The following JAKMIP1 variants were observed in gnomAD, a reference collection of about 807,000 sequenced individuals.
JAKMIP1 encodes the protein janus kinase and microtubule-interacting protein 1.
In JAKMIP1, 33 loss-of-function variants were observed where a neutral mutation model predicts 113.0. The ratio of observed to expected loss-of-function variants is 0.29; its 90% CI spans 0.22 to 0.39. JAKMIP1 has a LOEUF of 0.39. JAKMIP1 is among the 10% of genes least tolerant of loss of function. JAKMIP1 has a pLI of 1.00. For missense variants in JAKMIP1, 813 were observed against 1,080.5 expected (o/e 0.75, Z 3.47); for synonymous variants, 480 against 459.9 (o/e 1.04, Z -0.56).
At chr4:6,035,301 T>C (rs903599921) in intron 19 of JAKMIP1, among the ~76,000 whole-genome samples, 3 of 152,164 alleles carry the variant, frequency 2.0e-5, no homozygotes, top group Non-Finnish European at 2.9e-5. Context: ...TGCCTACCCA[T>C]AGGGTCCATG....
chr4:6,102,459 C>T (rs1713205444), intron 3 of JAKMIP1, among the ~76,000 whole-genome samples: 1 of 151,860 alleles, frequency 6.6e-6, no homozygotes, highest in Non-Finnish European at 1.5e-5. Flanking sequence ...TTTGTCATTC[C>T]ACTCCTTCTG....
In JAKMIP1 at chr4:6,137,284, C is replaced by A. The variant is rs1560254116; in HGVS notation, c.-147-24287G>T. Among the ~76,000 whole-genome samples the A allele has an allele frequency of 6.6e-6, 1 of 152,188 alleles. No individual in the cohort carries two copies. Among genetic ancestry groups the A allele is most frequent in the Non-Finnish European group, 1.5e-5 (1 of 68,038 alleles). On this transcript the variant is annotated intron_variant, in intron 1 of 20. Coordinates refer to ENST00000409021, the MANE Select transcript of JAKMIP1 (RefSeq NM_001099433.2). The surrounding 1 kb of genome is among the most constrained non-coding windows in gnomAD (Gnocchi z 4.5). ...GCCAGCAGCCGGGCTCACCAGGGCC[C>A]ACTGAGCCACAGCAGCCACAGTGGC...
intron 12 of JAKMIP1, chr4:6,054,628 A>G: frequency 4.9e-6 from 2 of 406,372 alleles, no homozygotes; most frequent in South Asian, 1.8e-5. Context: ...GAGCTTGCAG[A>G]AGAAGCCGTA....
chr4:6,036,731 T>G (rs79528434), intron 18 of JAKMIP1, among the ~76,000 whole-genome samples: 3,348 of 152,316 alleles, frequency 0.022, 117 homozygotes, highest in African/African-American at 0.073. Context: ...AGCAAGACAC[T>G]TAAATGTAGC....
At chr4:6,054,477 C>T (rs929994393) in intron 12 of JAKMIP1, among the ~76,000 whole-genome samples, 6 of 152,192 alleles carry the variant, frequency 3.9e-5, no homozygotes, top group African/African-American at 1.4e-4. Flanking sequence ...AAGTCCCTTC[C>T]TTGAGGCCAA....
Position 6,157,174 on chromosome 4 carries a change from G to T in JAKMIP1, c.-148+43079C>A, listed in dbSNP as rs929201968. On this transcript the variant is annotated intron_variant, in intron 1 of 20. Coordinates refer to ENST00000409021, the MANE Select transcript of JAKMIP1 (RefSeq NM_001099433.2). This position sits in a 1 kb window ranked among gnomAD's most constrained non-coding sequence, Gnocchi z 4.7. ...TGTGGCAAGAAGGCCCTTGCCAGAT[G>T]CAGGTCCCTCCACCATGGACTTCCC... is the stretch of plus-strand genomic sequence containing the variant. Among the ~76,000 whole-genome samples the T allele has an allele frequency of 1.3e-5, 2 of 152,204 alleles. No individual in the cohort carries two copies. Among genetic ancestry groups the T allele is most frequent in the South Asian group, 2.1e-4 (1 of 4,828 alleles).
Position 6,105,454 on chromosome 4 carries a change from G to A in JAKMIP1, c.624+19C>T. 1.3e-6 allele frequency: 2 copies of A among 1,569,326 alleles called. No individual in the cohort carries two copies. The highest frequency in any genetic ancestry group is 2.3e-5 in the South Asian group (2 of 85,504). ...GGGAAGGCCGCGTGCCCGCGGGCGG[G>A]GGAGGGGGCGGCACGTACCAGCCTG... On this transcript the variant is annotated intron_variant, in intron 3 of 20. Coordinates refer to ENST00000409021, the MANE Select transcript of JAKMIP1 (RefSeq NM_001099433.2).
chr4:6,048,997 G>GTTT, intron 15 of JAKMIP1, 75 bp from the exon 16 acceptor site: 9 of 881,542 alleles, frequency 1.0e-5, no homozygotes, highest in Non-Finnish European at 1.6e-5. Context: ...CACCAAGCAA[G>GTTT]TTTTTTTTTT....
At chr4:6,048,742 G>A (rs891097251) in intron 16 of JAKMIP1, 115 bp downstream of exon 16, 16 of 812,488 alleles carry the variant, frequency 2.0e-5, no homozygotes, top group African/African-American at 1.0e-4. Flanking sequence ...ACGTGCAGAC[G>A]CAGACGGACT....
At position 6,194,775 on chromosome 4, in the gene JAKMIP1, G is replaced by C. The variant is rs765942270; in HGVS notation, c.-148+5478C>G. 1.3e-5 allele frequency among the ~76,000 whole-genome samples: 2 copies of C among 152,190 alleles called. No individual in the cohort carries two copies. Among genetic ancestry groups the C allele is most frequent in the Admixed American group, 6.5e-5 (1 of 15,286 alleles). The stretch of plus-strand genomic sequence containing the variant: ...ATTCCTTAAAGTGGCCCTTCAGCCA[G>C]TCTAAGCCACGGTGGGAGACAGGAG... On this transcript the variant is annotated intron_variant, in intron 1 of 20. Transcript: ENST00000409021. The surrounding 1 kb of genome is among the most constrained non-coding windows in gnomAD (Gnocchi z 7.4).
chr4:6,128,457 G>A (rs555039342), intron 1 of JAKMIP1, among the ~76,000 whole-genome samples: 1 of 152,296 alleles, frequency 6.6e-6, no homozygotes, highest in South Asian at 2.1e-4. Context: ...GGAGCGGGGA[G>A]GGAGGGAAGG....
In JAKMIP1 at chr4:6,106,048, G is replaced by A; in HGVS notation, c.130-81C>T. 2.1e-6 allele frequency: 2 copies of A among 941,132 alleles called. No homozygotes were observed. Among genetic ancestry groups the A allele is most frequent in the Non-Finnish European group, 3.1e-6 (2 of 636,976 alleles). 58.3% of individuals were successfully genotyped at this position (941,132 alleles called of 1,614,324 possible). A position where few individuals can be genotyped will look rare whatever the true frequency, so the allele number is the denominator to read the frequency against. ...GGTCAGGGTCACAGCTGGGGGAGCT[G>A]GCCACAGCCTCCCCACGCCCAAGAC... On this transcript the variant is annotated intron_variant, in intron 2 of 20. Transcript: ENST00000409021. This position sits in a 1 kb window ranked among gnomAD's most constrained non-coding sequence, Gnocchi z 5.9.
Position 6,081,576 on chromosome 4 carries a change from G to A in JAKMIP1, c.1101+33C>T. ...AAGAATCCCAGACAGAGAAGGGAGT[G>A]TCAGGGCTGTCCCCAAGGGGTCCAC... On this transcript the variant is annotated intron_variant, in intron 6 of 20. Transcript: ENST00000409021. The surrounding 1 kb of genome is among the most constrained non-coding windows in gnomAD (Gnocchi z 4.6). 1.2e-6 allele frequency: 2 copies of A among 1,613,012 alleles called. No homozygotes were observed. Among genetic ancestry groups the A allele is most frequent in the Non-Finnish European group, 1.7e-6 (2 of 1,179,316 alleles).
chr4:6,157,943 G>C lies in JAKMIP1; in HGVS notation c.-148+42310C>G, dbSNP rs754336992. Among the ~76,000 whole-genome samples the C allele has an allele frequency of 1.6e-4, 25 of 152,228 alleles. No individual in the cohort carries two copies. Among genetic ancestry groups the C allele is most frequent in the Non-Finnish European group, 3.4e-4 (23 of 68,036 alleles). On this transcript the variant is annotated intron_variant, in intron 1 of 20. Transcript: ENST00000409021. The surrounding 1 kb of genome is among the most constrained non-coding windows in gnomAD (Gnocchi z 4.7). ...AGCAGCACTAACTCCTGATGCAACA[G>C]CTTTCTTTCTATGGATCACTTCATT...
Position 6,060,518 on chromosome 4 carries a change from A to T in JAKMIP1, c.1561-11T>A. On this transcript the variant is annotated splice_polypyrimidine_tract_variant and intron_variant, in intron 10 of 20. Transcript: ENST00000409021. ...TAGCTGCTCCCGAGTCTGGAAGGGA[A>T]AAGACCAGGCAGTGAGCAGGTCACC... The T allele has an allele frequency of 2.5e-6, 4 of 1,611,432 alleles. No individual in the cohort carries two copies. The highest frequency in any genetic ancestry group is 2.5e-6 in the Non-Finnish European group (3 of 1,177,634).
At chr4:6,100,538 T>C (rs1208129833) in intron 3 of JAKMIP1, among the ~76,000 whole-genome samples, 3 of 152,248 alleles carry the variant, frequency 2.0e-5, no homozygotes, top group Non-Finnish European at 1.5e-5. Context: ...GCTATAAGCA[T>C]TCATGTACAA....
rs1336070999 is a variant in JAKMIP1 at position 6,129,535 on chromosome 4, G to A, written c.-147-16538C>T. Among the ~76,000 whole-genome samples, 4 of 152,228 alleles carry A rather than the reference G, an allele frequency of 2.6e-5. No individual in the cohort carries two copies. The East Asian group carries it at 5.8e-4, about 22-fold the overall frequency. On this transcript the variant is annotated intron_variant, in intron 1 of 20. Transcript: ENST00000409021. This position sits in a 1 kb window ranked among gnomAD's most constrained non-coding sequence, Gnocchi z 5.4. ...TTGTGCCATGTCTCCTGAAAGCCAG[G>A]TGCCATGCTGGTACAGGGACCAGGA...
chr4:6,062,877 T>C lies in JAKMIP1; in HGVS notation c.1432-437A>G, dbSNP rs187724526. Among the ~76,000 whole-genome samples, 26 of 152,384 alleles carry C rather than the reference T, an allele frequency of 1.7e-4. 1 individual carries two copies. In the East Asian group the frequency reaches 5.0e-3, roughly 29 times the overall value. On this transcript the variant is annotated intron_variant, in intron 9 of 20. Transcript: ENST00000409021. ...ATCCTAAAGAGATGGCCGGGCATGG[T>C]GGCTCACGCCTGTAATCCCAGCACT...
intron 1 of JAKMIP1, among the ~76,000 whole-genome samples, chr4:6,146,844 G>A (rs1044331244): frequency 3.9e-5 from 6 of 152,166 alleles, no homozygotes; most frequent in Non-Finnish European, 8.8e-5. Context: ...TCTCCCTACC[G>A]TACACTTGAG....
Sources: allele counts gnomAD v4.1 joint callset (sites outside exome capture counted in the v4.1 genomes callset), GRCh38; gene constraint gnomAD v4.1.1; non-coding constraint Gnocchi (gnomAD v3.1); transcripts MANE v1.5; gene names NCBI Gene and HGNC (gene_info 2026-07-23, HGNC 2026-07-21).